Variants in CLVS1 observed in about 807,000 individuals in gnomAD.
CLVS1 encodes the protein clavesin-1.
In CLVS1, 10 loss-of-function variants were observed where a neutral mutation model predicts 33.1. The observed-to-expected ratio is 0.30, with a 90% CI of 0.19 to 0.51. The LOEUF is 0.51. Ranked by LOEUF, CLVS1 falls within the 20% of genes least tolerant of loss-of-function variation. The pLI is 0.97. For synonymous variants in CLVS1, 163 were observed against 166.1 expected, an observed-to-expected ratio of 0.98 and a Z score of 0.14; for missense variants, 343 against 433.4, an observed-to-expected ratio of 0.79 and a Z score of 1.85.
chr8:61,348,825 G>A (rs1186919488), intron 2 of CLVS1, among the ~76,000 whole-genome samples: 1 of 152,062 alleles, frequency 6.6e-6, no homozygotes, highest in African/African-American at 2.4e-5. Flanking sequence ...TTGTACTAAT[G>A]TACATTCTCA....
chr8:61,033,126 G>GAAAGAAA, the CLVS1 span, among the ~76,000 whole-genome samples: 20 of 68,764 alleles, frequency 2.9e-4, 1 homozygote, highest in East Asian at 1.7e-3. Flanking sequence ...AAGGAAGAAA[G>GAAAGAAA]GAAAGAAAGA....
intron 2 of CLVS1, among the ~76,000 whole-genome samples, chr8:61,341,547 T>C (rs1812029263): frequency 6.6e-6 from 1 of 152,182 alleles, no homozygotes; most frequent in Non-Finnish European, 1.5e-5. Flanking sequence ...CTAATCAGCT[T>C]GACACCCACC....
intron 2 of CLVS1, among the ~76,000 whole-genome samples, chr8:61,156,075 G>A (rs746664423): frequency 3.7e-4 from 57 of 152,068 alleles, no homozygotes; most frequent in Non-Finnish European, 1.2e-4. Context: ...TTAGCTGGGC[G>A]TGGTGGTGGG....
At chr8:61,190,063 A>G (rs1807438121) in intron 2 of CLVS1, among the ~76,000 whole-genome samples, 1 of 152,200 alleles carries the variant, frequency 6.6e-6, no homozygotes, top group African/African-American at 2.4e-5. Context: ...AAATCAACAG[A>G]ATATACATTC....
intron 1 of CLVS1, chr8:61,292,048 A>G (rs1037239738): frequency 4.2e-6 from 1 of 239,496 alleles, no homozygotes; most frequent in African/African-American, 2.2e-5. Context: ...TGTGTCACTA[A>G]CAAGGTCCTG....
At chr8:61,344,433 C>T (rs774238883) in intron 2 of CLVS1, among the ~76,000 whole-genome samples, 2 of 152,150 alleles carry the variant, frequency 1.3e-5, no homozygotes, top group African/African-American at 4.8e-5. Flanking sequence ...CGAGAGAGAA[C>T]AATGCAAGAT....
intron 2 of CLVS1, among the ~76,000 whole-genome samples, chr8:61,162,787 C>T (rs1463064775): frequency 6.6e-6 from 1 of 152,108 alleles, no homozygotes; most frequent in Non-Finnish European, 1.5e-5. Flanking sequence ...CCCTTATAAA[C>T]CTGTTGTTTG....
At chr8:61,452,123 A>T (rs1003872173) in intron 3 of CLVS1, among the ~76,000 whole-genome samples, 5 of 152,222 alleles carry the variant, frequency 3.3e-5, no homozygotes, top group Admixed American at 2.0e-4. Flanking sequence ...GTAATTACAG[A>T]GTCTCAGCAC....
chr8:61,487,033 G>A (rs1365429002), intron 5 of CLVS1, among the ~76,000 whole-genome samples: 1 of 152,124 alleles, frequency 6.6e-6, no homozygotes, highest in Non-Finnish European at 1.5e-5. Flanking sequence ...GCAAAGCTTT[G>A]AAAATTTTAA....
the CLVS1 span, among the ~76,000 whole-genome samples, chr8:60,993,790 G>T: frequency 1.3e-5 from 2 of 152,376 alleles, no homozygotes; most frequent in Admixed American, 1.3e-4. Flanking sequence ...GGTGATGCCT[G>T]CCTGTCCCTG....
chr8:61,278,792 T>A (rs1356492558), intron 2 of CLVS1, among the ~76,000 whole-genome samples: 1 of 152,204 alleles, frequency 6.6e-6, no homozygotes, highest in Non-Finnish European at 1.5e-5. Flanking sequence ...AGAAGAGGTG[T>A]TTATCTTGGA....
chr8:61,478,056 G>T (rs533521684), intron 5 of CLVS1, among the ~76,000 whole-genome samples: 1 of 152,244 alleles, frequency 6.6e-6, no homozygotes, highest in African/African-American at 2.4e-5. Flanking sequence ...CTTTACTTCT[G>T]CCTTCATTTC....
At chr8:61,124,490 T>A (rs1014017431) in intron 1 of CLVS1, among the ~76,000 whole-genome samples, 7 of 152,248 alleles carry the variant, frequency 4.6e-5, no homozygotes, top group Non-Finnish European at 1.0e-4. Context: ...ATGTTTTTTT[T>A]ATTTTTAGTA....
At position 61,499,707 on chromosome 8, in the gene CLVS1, C is replaced by T. The variant is rs1008929204; in HGVS notation, c.*165C>T. Reference sequence around the variant, plus strand: ...TGTCACCAGCCATCGGTCTGAGCAGCCAAAGTTGGACAAAGACTTGAGAGA... The same window carrying T: ...TGTCACCAGCCATCGGTCTGAGCAGTCAAAGTTGGACAAAGACTTGAGAGA... On this transcript the variant is annotated 3_prime_UTR_variant, in exon 6 of 6. Transcript: ENST00000325897. The T allele has an allele frequency of 2.0e-5, 9 of 457,872 alleles. No homozygotes were observed. Among genetic ancestry groups the T allele is most frequent in the African/African-American group, 1.5e-4 (8 of 51,784 alleles). 28.4% of individuals were successfully genotyped at this position (457,872 alleles called of 1,614,324 possible).
intron 2 of CLVS1, among the ~76,000 whole-genome samples, chr8:61,251,140 G>A (rs1327515398): frequency 2.0e-5 from 3 of 152,056 alleles, no homozygotes; most frequent in African/African-American, 4.8e-5. Context: ...GTTAAATTTT[G>A]TCTAAGGCCT....
chr8:61,217,247 C>T (rs1808108419), intron 2 of CLVS1, among the ~76,000 whole-genome samples: 1 of 152,070 alleles, frequency 6.6e-6, no homozygotes, highest in Admixed American at 6.6e-5. Flanking sequence ...GCAGATATTC[C>T]TCATTCACTG....
chr8:61,487,302 A>G (rs775226251), intron 5 of CLVS1, among the ~76,000 whole-genome samples: 2 of 152,242 alleles, frequency 1.3e-5, no homozygotes, highest in Non-Finnish European at 2.9e-5. Flanking sequence ...AATAAAAAAT[A>G]TAGATTTAAA....
At chr8:61,375,354 G>T (rs568047657) in intron 2 of CLVS1, among the ~76,000 whole-genome samples, 2 of 151,208 alleles carry the variant, frequency 1.3e-5, no homozygotes, top group Non-Finnish European at 1.5e-5. Context: ...GGGTTCAAGC[G>T]ATTCTCCTGC....
the CLVS1 span, among the ~76,000 whole-genome samples, chr8:60,980,947 C>G: frequency 6.6e-6 from 1 of 152,050 alleles, no homozygotes; most frequent in East Asian, 1.9e-4. Flanking sequence ...GAGGAGGAGG[C>G]CATGTGGGTA....
Sources: gnomAD v4.1 joint callset for allele counts (sites outside exome capture counted in the v4.1 genomes callset) on GRCh38, gnomAD v4.1.1 for gene constraint, MANE v1.5 for transcripts, NCBI Gene and HGNC (gene_info 2026-07-23, HGNC 2026-07-21) for gene names.